The following SOX5 variants were observed in gnomAD, a reference collection of about 807,000 sequenced individuals.
SOX5 encodes the protein transcription factor SOX-5.
A neutral mutation model predicts 92.0 loss-of-function variants in SOX5; 9 were observed. The ratio of observed to expected loss-of-function variants is 0.10; its 90% CI spans 0.06 to 0.17. The LOEUF (loss-of-function observed/expected upper bound fraction) is 0.17. SOX5 is among the 10% of genes least tolerant of loss of function. The pLI, the probability that SOX5 is intolerant of heterozygous loss-of-function variation, is 1.00. For missense variants in SOX5, 642 were observed against 944.5 expected, an observed-to-expected ratio of 0.68 and a Z score of 4.20; for synonymous variants, 344 against 336.3, an observed-to-expected ratio of 1.02 and a Z score of -0.25.
intron 5 of SOX5, among the ~76,000 whole-genome samples, chr12:23,739,934 T>C (rs1210828954): frequency 3.3e-5 from 5 of 152,232 alleles, no homozygotes; most frequent in Admixed American, 1.3e-4. Context: ...TATCTGTCTC[T>C]TTCTTTCCAC....
chr12:23,922,934 A>G (rs1237856989), intron 1 of SOX5, among the ~76,000 whole-genome samples: 1 of 150,942 alleles, frequency 6.6e-6, no homozygotes, highest in Non-Finnish European at 1.5e-5. Flanking sequence ...TAGTCAAGGG[A>G]AGCTCCTTCT....
At chr12:24,280,215 A>G (rs944075531) in intron 2 of SOX5, among the ~76,000 whole-genome samples, 1 of 152,230 alleles carries the variant, frequency 6.6e-6, no homozygotes, top group Non-Finnish European at 1.5e-5. Context: ...CTTTGGTGAC[A>G]TGCTGCAGAA....
intron 13 of SOX5, among the ~76,000 whole-genome samples, chr12:23,539,420 G>C (rs1941406369): frequency 6.6e-6 from 1 of 152,104 alleles, no homozygotes; most frequent in African/African-American, 2.4e-5. Flanking sequence ...GTTGTAGAAA[G>C]TACAGGAAGG....
chr12:24,385,757 G>A (rs1056734526), intron 1 of SOX5, among the ~76,000 whole-genome samples: 2 of 151,896 alleles, frequency 1.3e-5, no homozygotes, highest in African/African-American at 4.8e-5. Flanking sequence ...GGGCAACGTA[G>A]TGAAATCTCA....
intron 4 of SOX5, among the ~76,000 whole-genome samples, chr12:24,196,041 C>A (rs894135985): frequency 6.6e-6 from 1 of 152,166 alleles, no homozygotes; most frequent in African/African-American, 2.4e-5. Context: ...TGCGCCACCA[C>A]GCCTAGCTAA....
intron 1 of SOX5, among the ~76,000 whole-genome samples, chr12:23,947,181 T>G (rs1437794091): frequency 6.6e-6 from 1 of 151,930 alleles, no homozygotes; most frequent in Non-Finnish European, 1.5e-5. Context: ...AGCAATTTAT[T>G]ATGTCCTCTA....
Position 23,533,144 on chromosome 12 carries a change from T to C in SOX5, c.*1075A>G, listed in dbSNP as rs1276757612. ...AAGTGCAAAGTCAAGGTCAAGATTA[T>C]TTCTAGACCAGTCACTTGGGAGGAT... On this transcript the variant is annotated 3_prime_UTR_variant, in exon 15 of 15. Coordinates refer to ENST00000451604, the MANE Select transcript of SOX5 (RefSeq NM_006940.6). The C allele has an allele frequency of 2.2e-6, 1 of 456,420 alleles. No homozygotes were observed. 28.3% of individuals were successfully genotyped at this position (456,420 alleles called of 1,614,324 possible).
At chr12:23,905,896 A>G (rs1041257633) in intron 1 of SOX5, among the ~76,000 whole-genome samples, 3 of 152,168 alleles carry the variant, frequency 2.0e-5, no homozygotes, top group Non-Finnish European at 4.4e-5. Context: ...AAATTGTAAT[A>G]ATTTTATTTC....
chr12:24,080,195 T>C (rs1186050825), intron 4 of SOX5, among the ~76,000 whole-genome samples: 1 of 151,940 alleles, frequency 6.6e-6, no homozygotes, highest in African/African-American at 2.4e-5. Flanking sequence ...GGACAAAATA[T>C]CTTGAACTGA....
chr12:24,296,560 T>C (rs973913738), intron 2 of SOX5, among the ~76,000 whole-genome samples: 3 of 152,208 alleles, frequency 2.0e-5, no homozygotes, highest in East Asian at 3.9e-4. Flanking sequence ...TGGATATTTA[T>C]ACTGTAAAAC....
chr12:23,658,024 G>T (rs534877593), intron 7 of SOX5, among the ~76,000 whole-genome samples: 3 of 152,136 alleles, frequency 2.0e-5, no homozygotes, highest in African/African-American at 7.2e-5. Context: ...ACGTATTTTG[G>T]TGGTGGCAGT....
chr12:24,094,245 C>A (rs1325505406), intron 4 of SOX5, among the ~76,000 whole-genome samples: 4 of 152,128 alleles, frequency 2.6e-5, no homozygotes, highest in Non-Finnish European at 5.9e-5. Context: ...CCACACCCAG[C>A]GAAATTGTAT....
intron 4 of SOX5, among the ~76,000 whole-genome samples, chr12:24,173,493 G>C (rs191830703): frequency 1.3e-5 from 2 of 152,216 alleles, no homozygotes; most frequent in African/African-American, 4.8e-5. Context: ...CAGCTGATAC[G>C]CTGGCCTTTT....
At chr12:24,005,181 T>C (rs1465018829) in intron 4 of SOX5, among the ~76,000 whole-genome samples, 2 of 150,840 alleles carry the variant, frequency 1.3e-5, no homozygotes, top group African/African-American at 4.9e-5. Flanking sequence ...TCTATAAACT[T>C]ACTAAAAAAA....
At chr12:24,412,052 T>A (rs935928115) in intron 1 of SOX5, among the ~76,000 whole-genome samples, 2 of 152,182 alleles carry the variant, frequency 1.3e-5, no homozygotes, top group East Asian at 3.9e-4. Flanking sequence ...TGAATTTATG[T>A]GTGTAGAGTT....
intron 2 of SOX5, among the ~76,000 whole-genome samples, chr12:24,315,804 C>T (rs570162): frequency 0.81 from 123,773 of 152,236 alleles, 50,963 homozygotes; most frequent in Middle Eastern, 0.87. Flanking sequence ...CTTTCTAGCA[C>T]GTGGTCCTCT....
rs10679589 is a variant in SOX5, at chr12:23,723,566, T to TTATA, written c.810+11114_810+11117dup. 6.2e-3 allele frequency among the ~76,000 whole-genome samples: 899 copies of TTATA among 144,576 alleles called. 10 individuals are homozygous for TTATA. Among genetic ancestry groups the TTATA allele is most frequent in the African/African-American group, 0.017 (661 of 39,196 alleles). 94.8% of individuals were successfully genotyped at this position (144,576 alleles called of 152,430 possible). A position where few individuals can be genotyped will look rare whatever the true frequency, so the allele number is the denominator to read the frequency against. ...AACGGTGGTAATTAGAGGAGAAAAA[T>TTATA]TATATATATATATATACACACACAC... On this transcript the variant is annotated intron_variant, in intron 6 of 14. Coordinates refer to ENST00000451604, the MANE Select transcript of SOX5 (RefSeq NM_006940.6).
intron 4 of SOX5, among the ~76,000 whole-genome samples, chr12:24,128,223 T>C (rs1949300213): frequency 6.6e-6 from 1 of 152,232 alleles, no homozygotes; most frequent in Non-Finnish European, 1.5e-5. Flanking sequence ...ATCAAATGGA[T>C]ACAGTTACTT....
intron 2 of SOX5, among the ~76,000 whole-genome samples, chr12:23,894,416 T>C (rs1228408122): frequency 6.6e-6 from 1 of 152,010 alleles, no homozygotes; most frequent in Admixed American, 6.6e-5. Context: ...TCAGTAGAGA[T>C]GGGGTTTCAC....
Sources: gnomAD v4.1 joint callset for allele counts (sites outside exome capture counted in the v4.1 genomes callset) on GRCh38, gnomAD v4.1.1 for gene constraint, MANE v1.5 for transcripts, NCBI Gene and HGNC (gene_info 2026-07-23, HGNC 2026-07-21) for gene names.